The following PCDH9 variants were observed in gnomAD, a reference collection of about 807,000 sequenced individuals.
The protein encoded by PCDH9 is protocadherin-9.
In PCDH9, 24 loss-of-function variants were observed where a neutral mutation model predicts 70.6. The observed-to-expected ratio is 0.34, with a 90% CI of 0.25 to 0.48. The LOEUF is 0.48. Ranked by LOEUF, PCDH9 falls within the 20% of genes least tolerant of loss-of-function variation. The probability of loss-of-function intolerance (pLI) is 0.99; values close to 1 mark genes in which losing one functional copy is unlikely to be tolerated. For synonymous variants in PCDH9, 562 were observed against 558.5 expected (o/e 1.01, Z -0.09); for missense variants, 1,281 against 1,503.6 (o/e 0.85, Z 2.45).
chr13:66,645,746 A>G (rs78171502), intron 3 of PCDH9, among the ~76,000 whole-genome samples: 2,180 of 152,268 alleles, frequency 0.014, 59 homozygotes, highest in African/African-American at 0.049. Context: ...ACCCTGTTAG[A>G]TATTGAGATT....
At chr13:66,452,210 A>G (rs1958227738) in intron 4 of PCDH9, among the ~76,000 whole-genome samples, 1 of 152,132 alleles carries the variant, frequency 6.6e-6, no homozygotes, top group Non-Finnish European at 1.5e-5. Flanking sequence ...TGAGGAGAGG[A>G]TGGGACATTT....
intron 4 of PCDH9, among the ~76,000 whole-genome samples, chr13:66,402,685 A>G (rs1049851398): frequency 6.6e-6 from 1 of 152,124 alleles, no homozygotes; most frequent in Non-Finnish European, 1.5e-5. Flanking sequence ...TGTTAAATTT[A>G]CCTCTGCTGC....
At chr13:66,858,385 T>C (rs986720220) in intron 3 of PCDH9, among the ~76,000 whole-genome samples, 2 of 152,180 alleles carry the variant, frequency 1.3e-5, no homozygotes, top group Non-Finnish European at 2.9e-5. Context: ...ATGTCCAAAT[T>C]CGTTAGATGA....
intron 2 of PCDH9, among the ~76,000 whole-genome samples, chr13:67,019,397 G>A (rs963033475): frequency 4.0e-5 from 6 of 151,240 alleles, no homozygotes; most frequent in African/African-American, 9.7e-5. Context: ...GGGTTTCACC[G>A]TGTTAGCCAG....
intron 3 of PCDH9, among the ~76,000 whole-genome samples, chr13:66,861,362 G>A (rs2081481488): frequency 6.6e-6 from 1 of 152,148 alleles, no homozygotes; most frequent in South Asian, 2.1e-4. Flanking sequence ...AACTGATTGA[G>A]CCCTCTATTA....
Position 66,980,309 on chromosome 13 carries a change from C to T in PCDH9, c.3037-76704G>A, listed in dbSNP as rs188968483. Among the ~76,000 whole-genome samples the T allele has an allele frequency of 4.8e-3, 726 of 152,246 alleles. 1 individual carries two copies. The highest frequency in any genetic ancestry group is 5.3e-3 in the Non-Finnish European group (359 of 68,006). ...ATGATCTTCATCACACACACACGTACACACAAATGACTCCATCCAAGTCTA... is the reference window on the plus strand; with the variant it reads ...ATGATCTTCATCACACACACACGTATACACAAATGACTCCATCCAAGTCTA... On this transcript the variant is annotated intron_variant, in intron 2 of 4. Transcript: ENST00000377865.
At chr13:66,622,237 G>A (rs994656028) in intron 4 of PCDH9, among the ~76,000 whole-genome samples, 3 of 152,190 alleles carry the variant, frequency 2.0e-5, no homozygotes, top group South Asian at 4.1e-4. Context: ...CCCCCGCTCC[G>A]TGGGCTCCTG....
intron 3 of PCDH9, among the ~76,000 whole-genome samples, chr13:66,749,467 T>C (rs1416063788): frequency 6.6e-6 from 1 of 152,138 alleles, no homozygotes; most frequent in Non-Finnish European, 1.5e-5. Flanking sequence ...CTCTATGACC[T>C]AAGCACTACA....
chr13:67,046,847 G>T (rs1017558931), intron 2 of PCDH9, among the ~76,000 whole-genome samples: 1 of 151,962 alleles, frequency 6.6e-6, no homozygotes, highest in Non-Finnish European at 1.5e-5. Context: ...ACTGAGAAGG[G>T]TACAGAAGGT....
chr13:67,105,754 T>G (rs1247260821), intron 2 of PCDH9, among the ~76,000 whole-genome samples: 1 of 151,944 alleles, frequency 6.6e-6, no homozygotes, highest in African/African-American at 2.4e-5. Flanking sequence ...AAGCTTAAAT[T>G]TTGACAATTG....
At chr13:66,558,692 G>A (rs887222467) in intron 4 of PCDH9, among the ~76,000 whole-genome samples, 5 of 151,850 alleles carry the variant, frequency 3.3e-5, no homozygotes, top group Non-Finnish European at 5.9e-5. Context: ...GAGGGCAGGC[G>A]CTAACTGTAA....
chr13:66,325,438 C>T (rs1239227566), intron 4 of PCDH9, among the ~76,000 whole-genome samples: 2 of 152,004 alleles, frequency 1.3e-5, no homozygotes, highest in East Asian at 3.9e-4. Flanking sequence ...AGAAAAGTTT[C>T]TAGAAGCCAA....
At chr13:66,495,833 A>G (rs1959107588) in intron 4 of PCDH9, among the ~76,000 whole-genome samples, 1 of 152,222 alleles carries the variant, frequency 6.6e-6, no homozygotes, top group Non-Finnish European at 1.5e-5. Flanking sequence ...AGACACTACA[A>G]TCCCATTGTT....
intron 2 of PCDH9, among the ~76,000 whole-genome samples, chr13:66,913,296 T>TA (rs1183289661): frequency 1.3e-5 from 2 of 151,974 alleles, no homozygotes; most frequent in African/African-American, 2.4e-5. Context: ...TTCTTTTTTT[T>TA]ATAGTGCACT....
At chr13:67,184,067 A>T (rs2088686249) in intron 2 of PCDH9, among the ~76,000 whole-genome samples, 1 of 152,150 alleles carries the variant, frequency 6.6e-6, no homozygotes, top group Admixed American at 6.6e-5. Context: ...TAAAACATCT[A>T]GTGTTTGCGG....
chr13:66,807,114 G>A (rs1294423963), intron 3 of PCDH9, among the ~76,000 whole-genome samples: 2 of 152,078 alleles, frequency 1.3e-5, no homozygotes, highest in African/African-American at 4.8e-5. Context: ...TTTACAGAAT[G>A]AAATTAGACA....
intron 3 of PCDH9, among the ~76,000 whole-genome samples, chr13:66,766,737 G>T (rs1423051898): frequency 1.3e-5 from 2 of 152,072 alleles, no homozygotes; most frequent in Admixed American, 6.6e-5. Flanking sequence ...TGTTTGGAAA[G>T]TTCGGTTATT....
chr13:66,437,765 A>T (rs939986543), intron 4 of PCDH9, among the ~76,000 whole-genome samples: 2 of 152,078 alleles, frequency 1.3e-5, no homozygotes, highest in African/African-American at 4.8e-5. Context: ...AAAAAAATGC[A>T]TGTCTTATGC....
chr13:66,831,637 G>T (rs1317468317), intron 3 of PCDH9, among the ~76,000 whole-genome samples: 1 of 152,074 alleles, frequency 6.6e-6, no homozygotes, highest in Non-Finnish European at 1.5e-5. Flanking sequence ...TTCATAAACA[G>T]AATTTCATCT....
Sources: gnomAD v4.1 joint callset for allele counts (sites outside exome capture counted in the v4.1 genomes callset) on GRCh38, gnomAD v4.1.1 for gene constraint, MANE v1.5 for transcripts, NCBI Gene and HGNC (gene_info 2026-07-23, HGNC 2026-07-21) for gene names.